PDGFRL: variants seen among roughly 807,000 people sequenced by gnomAD.
The protein encoded by PDGFRL is platelet-derived growth factor receptor-like protein.
Under a neutral mutation model 37.2 loss-of-function variants are expected in PDGFRL, and 46 were observed. The observed-to-expected ratio is 1.24, with a 90% CI of 0.98 to 1.58. The LOEUF is 1.58. Ranked by LOEUF, PDGFRL falls within the 40% of genes most tolerant of loss-of-function variation. The probability of loss-of-function intolerance (pLI) is 0.00; values close to 1 mark genes in which losing one functional copy is unlikely to be tolerated. For missense variants in PDGFRL, 692 were observed against 467.6 expected (o/e 1.48, Z -4.43); for synonymous variants, 251 against 184.3 (o/e 1.36, Z -2.93).
intron 2 of PDGFRL, among the ~76,000 whole-genome samples, chr8:17,598,857 C>A (rs913370836): frequency 6.6e-6 from 1 of 152,102 alleles, no homozygotes; most frequent in Non-Finnish European, 1.5e-5. Context: ...AGGGGAAACC[C>A]ATTTCTCTTG....
chr8:17,581,045 T>TG (rs1803696891), intron 1 of PDGFRL, among the ~76,000 whole-genome samples: 3 of 152,050 alleles, frequency 2.0e-5, no homozygotes, highest in African/African-American at 7.3e-5. Flanking sequence ...TTGATTACAT[T>TG]TGCAAAGACT....
At position 17,621,098 on chromosome 8, in the gene PDGFRL, C is replaced by A. The variant is rs1457654270; in HGVS notation, c.401C>A (p.Thr134Asn). ...RYGQLTLVNS[T>N]SADTGEFSCW... ...GGCCAGTTGACTCTGGTCAACTCCA[C>A]CTCGGCAGACACAGGTGAATTCAGC... Residue 134 changes from threonine (T) to asparagine (N), a missense_variant, in exon 3 of 6, where the codon ACC becomes AAC. Thr to Asn is a moderately conservative substitution (Grantham distance 65, BLOSUM62 0). Coordinates refer to ENST00000251630, the MANE Select transcript of PDGFRL (RefSeq NM_001372073.1). 1.2e-6 allele frequency: 2 copies of A among 1,611,984 alleles called. No homozygotes were observed. The highest frequency in any genetic ancestry group is 2.7e-5 in the African/African-American group (2 of 74,822).
intron 2 of PDGFRL, among the ~76,000 whole-genome samples, chr8:17,591,957 T>G (rs1450866795): frequency 6.6e-6 from 1 of 152,136 alleles, no homozygotes; most frequent in African/African-American, 2.4e-5. Context: ...GGCAGGTATC[T>G]CAGACTCTGC....
intron 5 of PDGFRL, among the ~76,000 whole-genome samples, chr8:17,642,213 C>G (rs971734552): frequency 4.6e-5 from 7 of 152,162 alleles, no homozygotes; most frequent in Admixed American, 4.6e-4. Flanking sequence ...TACTGACTTT[C>G]AGTTCTGTAG....
At chr8:17,637,984 T>A (rs1206077180) in intron 5 of PDGFRL, among the ~76,000 whole-genome samples, 1 of 152,192 alleles carries the variant, frequency 6.6e-6, no homozygotes, top group African/African-American at 2.4e-5. Context: ...CTATCAGTTT[T>A]ATTTATCTTT....
chr8:17,606,312 G>A lies in PDGFRL; in HGVS notation c.354-14739G>A, dbSNP rs148692970. ...CATTATGTGAGTGTCTTTTGTATGCGAACTCACTTTCCTCCAAAGCTCGTT... is the reference window on the plus strand; with the variant it reads ...CATTATGTGAGTGTCTTTTGTATGCAAACTCACTTTCCTCCAAAGCTCGTT... On this transcript the variant is annotated intron_variant, in intron 2 of 5. Coordinates refer to ENST00000251630, the MANE Select transcript of PDGFRL (RefSeq NM_001372073.1). Among the ~76,000 whole-genome samples, 445 of 152,242 alleles carry A rather than the reference G, an allele frequency of 2.9e-3. 6 individuals are homozygous for A. Among genetic ancestry groups the A allele is most frequent in the African/African-American group, 0.01 (424 of 41,538 alleles).
rs1170341076 is a variant in PDGFRL at position 17,627,988 on chromosome 8, TC to T, written c.506-498del. On this transcript the variant is annotated intron_variant, in intron 3 of 5. Transcript: ENST00000251630. Reference sequence around the variant, plus strand: ...TGATACCTTTTCTGTTTTCTTTCTTTCTTTTTTTTTTTTTTTTTTTTTTGAG... The same window carrying T: ...TGATACCTTTTCTGTTTTCTTTCTTTTTTTTTTTTTTTTTTTTTTTTTGAG... Among the ~76,000 whole-genome samples the T allele has an allele frequency of 4.1e-3, 531 of 128,642 alleles. 29 individuals are homozygous for T. The highest frequency in any genetic ancestry group is 0.017 in the African/African-American group (465 of 28,112). 84.4% of individuals were successfully genotyped at this position (128,642 alleles called of 152,430 possible).
At chr8:17,593,903 A>AGT (rs1563509329) in intron 2 of PDGFRL, among the ~76,000 whole-genome samples, 1,667 of 111,570 alleles carry the variant, frequency 0.015, 34 homozygotes, top group African/African-American at 0.043. Flanking sequence ...AAAAAAAAGA[A>AGT]AAAAAAAGAA....
At chr8:17,625,494 T>C (rs1234115093) in intron 3 of PDGFRL, among the ~76,000 whole-genome samples, 1 of 152,106 alleles carries the variant, frequency 6.6e-6, no homozygotes, top group Non-Finnish European at 1.5e-5. Context: ...TAGTTTTCTT[T>C]AAGTAAAACA....
chr8:17,639,726 G>A (rs569684454), intron 5 of PDGFRL, among the ~76,000 whole-genome samples: 10 of 152,122 alleles, frequency 6.6e-5, no homozygotes, highest in South Asian at 4.1e-4. Context: ...CTTCATCTTC[G>A]CTTTAGATAA....
chr8:17,598,189 A>G (rs1172090309), intron 2 of PDGFRL, among the ~76,000 whole-genome samples: 1 of 152,256 alleles, frequency 6.6e-6, no homozygotes, highest in Non-Finnish European at 1.5e-5. Context: ...CAGAGAAGCC[A>G]GAGGCTGAGG....
chr8:17,609,143 A>G (rs1304052769), intron 2 of PDGFRL, among the ~76,000 whole-genome samples: 1 of 152,160 alleles, frequency 6.6e-6, no homozygotes, highest in African/African-American at 2.4e-5. Context: ...TTGAGGCTAC[A>G]GTGAGCCATG....
chr8:17,622,545 C>G (rs910080129), intron 3 of PDGFRL, among the ~76,000 whole-genome samples: 32 of 152,302 alleles, frequency 2.1e-4, no homozygotes, highest in African/African-American at 7.0e-4. Context: ...CAAGGAGATG[C>G]ATTAGTAGGG....
chr8:17,591,297 C>G (rs957578787), intron 2 of PDGFRL, among the ~76,000 whole-genome samples: 3 of 152,138 alleles, frequency 2.0e-5, no homozygotes, highest in African/African-American at 7.2e-5. Context: ...GGCTAGGCTT[C>G]TAGACCAGGA....
intron 4 of PDGFRL, among the ~76,000 whole-genome samples, chr8:17,629,980 C>T (rs571171964): frequency 6.6e-6 from 1 of 152,288 alleles, no homozygotes; most frequent in African/African-American, 2.4e-5. Context: ...ACGCCCTCCT[C>T]TCTGTACTCC....
At chr8:17,637,236 A>G (rs1325597731) in intron 5 of PDGFRL, among the ~76,000 whole-genome samples, 5 of 151,966 alleles carry the variant, frequency 3.3e-5, no homozygotes, top group African/African-American at 7.2e-5. Flanking sequence ...GACAGTTTTC[A>G]TTACCTTAAG....
rs148199902 is a variant in PDGFRL, at chr8:17,637,358, T to G, written c.939+3145T>G. 2.6e-3 allele frequency among the ~76,000 whole-genome samples: 397 copies of G among 152,316 alleles called. 1 individual carries two copies. The highest frequency in any genetic ancestry group is 4.5e-3 in the Non-Finnish European group (307 of 68,030). ...AGATGATCATGTGATTTTTTGTTTT[T>G]AATTCTATGTGGTGTATCCCATTAA... On this transcript the variant is annotated intron_variant, in intron 5 of 5. Transcript: ENST00000251630.
chr8:17,601,264 C>T (rs574215046), intron 2 of PDGFRL, among the ~76,000 whole-genome samples: 26 of 152,272 alleles, frequency 1.7e-4, no homozygotes, highest in African/African-American at 6.0e-4. Flanking sequence ...TCCTCACACC[C>T]AGCACAGTCT....
chr8:17,603,406 A>G (rs1057223993), intron 2 of PDGFRL, among the ~76,000 whole-genome samples: 1 of 152,174 alleles, frequency 6.6e-6, no homozygotes, highest in Non-Finnish European at 1.5e-5. Context: ...GCCCCCTTGA[A>G]CAGTGTAGTT....
Sources: gnomAD v4.1 joint callset for allele counts (sites outside exome capture counted in the v4.1 genomes callset) on GRCh38, gnomAD v4.1.1 for gene constraint, MANE v1.5 for transcripts, NCBI Gene and HGNC (gene_info 2026-07-23, HGNC 2026-07-21) for gene names.